TCF7L1: variants seen among roughly 807,000 people sequenced by gnomAD.
TCF7L1 encodes the protein transcription factor 7 like 1, also known as transcription factor 7-like 1.
In TCF7L1, 18 loss-of-function variants were observed where a neutral mutation model predicts 63.7. That is an observed-to-expected ratio of 0.28 (90% CI 0.20 to 0.42). TCF7L1 has a LOEUF of 0.42. TCF7L1 is among the 10% of genes least tolerant of loss of function. The probability of loss-of-function intolerance (pLI) is 1.00; values close to 1 mark genes in which losing one functional copy is unlikely to be tolerated. For missense variants in TCF7L1, 654 were observed against 779.3 expected (o/e 0.84, Z 1.91); for synonymous variants, 355 against 340.9 (o/e 1.04, Z -0.46).
At chr2:85,156,598 G>A (rs920928129) in intron 3 of TCF7L1, among the ~76,000 whole-genome samples, 3 of 152,170 alleles carry the variant, frequency 2.0e-5, no homozygotes, top group South Asian at 2.1e-4. Flanking sequence ...CACAGTAACC[G>A]TTTTACAGAT....
chr2:85,222,249 G>A (rs1679857680), intron 3 of TCF7L1, among the ~76,000 whole-genome samples: 1 of 151,792 alleles, frequency 6.6e-6, no homozygotes, highest in African/African-American at 2.4e-5. Flanking sequence ...GCTGAGGCAG[G>A]AGAATCGCTT....
At chr2:85,217,922 T>A (rs1656700150) in intron 3 of TCF7L1, among the ~76,000 whole-genome samples, 1 of 152,206 alleles carries the variant, frequency 6.6e-6, no homozygotes, top group African/African-American at 2.4e-5. Context: ...TTAGGGATGC[T>A]CAACTTGTAC....
At position 85,153,340 on chromosome 2, in the gene TCF7L1, A is replaced by ATGTTTTTTTTTTTTTTTTTTTTT. The variant is rs750002994; in HGVS notation, c.441+18891_441+18892insGTTTTTTTTTTTTTTTTTTTTTT. Among the ~76,000 whole-genome samples the ATGTTTTTTTTTTTTTTTTTTTTT allele has an allele frequency of 2.2e-4, 22 of 102,266 alleles. 1 individual carries two copies. Among genetic ancestry groups the ATGTTTTTTTTTTTTTTTTTTTTT allele is most frequent in the Middle Eastern group, 5.1e-3 (1 of 196 alleles). 67.1% of individuals were successfully genotyped at this position (102,266 alleles called of 152,430 possible). A position where few individuals can be genotyped will look rare whatever the true frequency, so the allele number is the denominator to read the frequency against. Reference sequence around the variant, plus strand: ...TTCATGATCTTGCTAGCCTTTATAAATTTTTTTTTTTTTTTTTTTGAGATG... The same window carrying ATGTTTTTTTTTTTTTTTTTTTTT: ...TTCATGATCTTGCTAGCCTTTATAAATGTTTTTTTTTTTTTTTTTTTTTTTTTTTTTTTTTTTTTTTTGAGATG... On this transcript the variant is annotated intron_variant, in intron 3 of 11. Transcript: ENST00000282111.
chr2:85,171,027 T>C (rs1437392113), intron 3 of TCF7L1, among the ~76,000 whole-genome samples: 1 of 151,916 alleles, frequency 6.6e-6, no homozygotes, highest in East Asian at 1.9e-4. Flanking sequence ...TGAGACTGGG[T>C]AATTTATAAA....
At chr2:85,217,641 T>A (rs1166762979) in intron 3 of TCF7L1, among the ~76,000 whole-genome samples, 1 of 152,230 alleles carries the variant, frequency 6.6e-6, no homozygotes, top group East Asian at 1.9e-4. Context: ...CTGAGTAGCA[T>A]GTTCCTTGCC....
chr2:85,178,515 G>A (rs1678729008), intron 3 of TCF7L1, among the ~76,000 whole-genome samples: 1 of 152,182 alleles, frequency 6.6e-6, no homozygotes. Flanking sequence ...GTGGGAAGGG[G>A]ACAGCTGTGT....
intron 3 of TCF7L1, among the ~76,000 whole-genome samples, chr2:85,211,379 G>A (rs1679536866): frequency 6.6e-6 from 1 of 152,150 alleles, no homozygotes; most frequent in Non-Finnish European, 1.5e-5. Flanking sequence ...GATCTTCACT[G>A]GTTTAAAAAG....
chr2:85,219,103 C>T lies in TCF7L1; in HGVS notation c.442-64392C>T, dbSNP rs1374589786. ...AGAAGTTAGGGGCTGCAGTGAGCCA[C>T]GCTTGTGCCCCTGAACTCCAGCTTG... On this transcript the variant is annotated intron_variant, in intron 3 of 11. Coordinates refer to ENST00000282111, the MANE Select transcript of TCF7L1 (RefSeq NM_031283.3). 5.3e-5 allele frequency among the ~76,000 whole-genome samples: 8 copies of T among 152,284 alleles called. No homozygotes were observed. In the East Asian group the frequency reaches 1.3e-3, roughly 26 times the overall value.
At chr2:85,286,954 C>T (rs894743633) in intron 4 of TCF7L1, among the ~76,000 whole-genome samples, 4 of 152,192 alleles carry the variant, frequency 2.6e-5, no homozygotes, top group African/African-American at 9.7e-5. Context: ...AAAAACAAAA[C>T]TAACACGTGT....
chr2:85,260,761 G>A (rs12466280), intron 3 of TCF7L1, among the ~76,000 whole-genome samples: 1,842 of 152,202 alleles, frequency 0.012, 75 homozygotes, highest in Admixed American at 0.075. Context: ...GCTGTACTGT[G>A]TACCACAGAT....
intron 3 of TCF7L1, among the ~76,000 whole-genome samples, chr2:85,251,415 A>G (rs1480371730): frequency 6.6e-6 from 1 of 152,240 alleles, no homozygotes; most frequent in African/African-American, 2.4e-5. Flanking sequence ...TACAGTATAT[A>G]GTGTAAACAG....
chr2:85,234,760 T>G (rs1005964151), intron 3 of TCF7L1, among the ~76,000 whole-genome samples: 3 of 152,078 alleles, frequency 2.0e-5, no homozygotes, highest in African/African-American at 7.2e-5. Context: ...TCCAGGAAAC[T>G]CAGAATAGGG....
At chr2:85,295,309 CT>C (rs992402490) in intron 4 of TCF7L1, among the ~76,000 whole-genome samples, 8 of 152,152 alleles carry the variant, frequency 5.3e-5, no homozygotes, top group African/African-American at 1.9e-4. Context: ...TCAAGCGATT[CT>C]CCTGTCTCAG....
chr2:85,213,379 A>G (rs527987914), intron 3 of TCF7L1, among the ~76,000 whole-genome samples: 81 of 152,296 alleles, frequency 5.3e-4, no homozygotes, highest in African/African-American at 1.6e-3. Flanking sequence ...CCACCTCCCA[A>G]TGACACCTCT....
intron 3 of TCF7L1, among the ~76,000 whole-genome samples, chr2:85,200,772 G>A (rs1453729998): frequency 6.6e-6 from 1 of 152,164 alleles, no homozygotes; most frequent in Non-Finnish European, 1.5e-5. Context: ...CAGTTTACTG[G>A]AGAGATGAGC....
At chr2:85,242,049 T>C (rs995019392) in intron 3 of TCF7L1, among the ~76,000 whole-genome samples, 25 of 151,738 alleles carry the variant, frequency 1.6e-4, no homozygotes, top group African/African-American at 6.0e-4. Flanking sequence ...GATTTTTGAA[T>C]CATGAGAACC....
chr2:85,263,893 C>T (rs954292782), intron 3 of TCF7L1, among the ~76,000 whole-genome samples: 3 of 152,170 alleles, frequency 2.0e-5, no homozygotes, highest in African/African-American at 7.2e-5. Flanking sequence ...AAAGGGTGCC[C>T]CAGAAGCTGA....
At chr2:85,148,484 C>A (rs954988682) in intron 3 of TCF7L1, among the ~76,000 whole-genome samples, 5 of 152,056 alleles carry the variant, frequency 3.3e-5, no homozygotes, top group African/African-American at 1.2e-4. Context: ...TGCCCCAGGG[C>A]CCCCCTCAGG....
At chr2:85,283,291 G>A (rs1366433293) in intron 3 of TCF7L1, among the ~76,000 whole-genome samples, 7 of 150,614 alleles carry the variant, frequency 4.6e-5, no homozygotes, top group Admixed American at 4.6e-4. Flanking sequence ...GACATAGGGC[G>A]TGGTGAGGCT....
Sources: allele counts gnomAD v4.1 joint callset (sites outside exome capture counted in the v4.1 genomes callset), GRCh38; gene constraint gnomAD v4.1.1; transcripts MANE v1.5; gene names NCBI Gene and HGNC (gene_info 2026-07-23, HGNC 2026-07-21).